The following PCDHGB3 variants were observed in gnomAD, a reference collection of about 807,000 sequenced individuals.
PCDHGB3 encodes protocadherin gamma-B3.
PCDHGB3 carries 40 observed loss-of-function variants against 59.2 expected under a neutral mutation model. That is an observed-to-expected ratio of 0.68 (90% confidence interval 0.52 to 0.88). The LOEUF (loss-of-function observed/expected upper bound fraction) is 0.88. Ranked by LOEUF, PCDHGB3 falls within the 40% of genes least tolerant of loss-of-function variation. The probability of loss-of-function intolerance (pLI) is 0.00; values close to 1 mark genes in which losing one functional copy is unlikely to be tolerated. For synonymous variants in PCDHGB3, 581 were observed against 503.6 expected (o/e 1.15, Z -2.06); for missense variants, 1,309 against 1,187.9 (o/e 1.10, Z -1.50).
At chr5:141,504,134 A>G (rs73280371) in intron 2 of PCDHGB3, among the ~76,000 whole-genome samples, 139 of 152,168 alleles carry the variant, frequency 9.1e-4, no homozygotes, top group African/African-American at 3.1e-3. Flanking sequence ...TCCCGCCAAC[A>G]CTCCCCTGCA....
chr5:141,465,583 A>G (rs1056902823), intron 1 of PCDHGB3, among the ~76,000 whole-genome samples: 10 of 152,162 alleles, frequency 6.6e-5, no homozygotes, highest in African/African-American at 2.4e-4. Flanking sequence ...ACACTCTCAT[A>G]ATAATCAGAT....
chr5:141,393,508 T>A (rs540869636), intron 1 of PCDHGB3: 2 of 1,614,010 alleles, frequency 1.2e-6, no homozygotes, highest in East Asian at 4.5e-5. Flanking sequence ...CACGTGACAG[T>A]GTTGGATACA....
chr5:141,477,582 A>T lies in PCDHGB3; in HGVS notation c.2416-17225A>T, dbSNP rs567486170. The T allele has an allele frequency of 6.2e-7, 1 of 1,614,190 alleles. No individual in the cohort carries two copies. The highest frequency in any genetic ancestry group is 2.2e-5 in the East Asian group (1 of 44,888). ...GTCTGGGACCCCGACGCCCCGCAGA[A>T]TGCTCGGCTTTCTTTCTTTCTCTTG... On this transcript the variant is annotated intron_variant, in intron 1 of 3. Transcript: ENST00000576222. The surrounding 1 kb of genome is among the most constrained non-coding windows in gnomAD (Gnocchi z 4.9).
chr5:141,377,447 A>T (rs1397371836), intron 1 of PCDHGB3: 1 of 152,082 alleles, frequency 6.6e-6, no homozygotes, highest in African/African-American at 2.4e-5. Context: ...AAGAAAAAAA[A>T]GTAGCCAGAT....
At chr5:141,415,859 T>C in intron 1 of PCDHGB3, 1 of 1,187,664 alleles carries the variant, frequency 8.4e-7, no homozygotes, top group Non-Finnish European at 1.1e-6. Context: ...CCTTGTAGTT[T>C]ATAGTGTTGT....
At chr5:141,404,642 T>C in intron 1 of PCDHGB3, 20 of 1,614,190 alleles carry the variant, frequency 1.2e-5, no homozygotes, top group Non-Finnish European at 1.7e-5. Flanking sequence ...AGAAATCCTG[T>C]ACCCTGCCCT....
At chr5:141,409,893 A>G in intron 1 of PCDHGB3, 2 of 1,613,138 alleles carry the variant, frequency 1.2e-6, no homozygotes, top group Middle Eastern at 3.3e-4. Flanking sequence ...CGGGTGCTGT[A>G]CCCAGCTCTG....
intron 1 of PCDHGB3, chr5:141,388,657 G>T (rs769160604): frequency 6.8e-6 from 11 of 1,613,878 alleles, no homozygotes; most frequent in Admixed American, 1.7e-5. Context: ...GTGTACCCGG[G>T]GACCACGGTG....
intron 1 of PCDHGB3, chr5:141,374,770 G>C (rs750704696): frequency 1.2e-6 from 2 of 1,613,694 alleles, no homozygotes; most frequent in Non-Finnish European, 1.7e-6. Flanking sequence ...CCCAAATTCT[G>C]GTAACAGTTC....
At chr5:141,478,118 G>C in intron 1 of PCDHGB3, 2 of 1,614,048 alleles carry the variant, frequency 1.2e-6, no homozygotes, top group African/African-American at 1.3e-5. Context: ...GTCAGTAACC[G>C]AGGACTCTCC....
chr5:141,382,810 C>T, intron 1 of PCDHGB3: 3 of 1,162,786 alleles, frequency 2.6e-6, no homozygotes, highest in Non-Finnish European at 3.7e-6. Context: ...TCTGAGCTCC[C>T]CTTCCTAAGA....
Position 141,493,022 on chromosome 5 carries a change from G to C in PCDHGB3, c.2416-1785G>C, listed in dbSNP as rs1184742888. On this transcript the variant is annotated intron_variant, in intron 1 of 3. Transcript: ENST00000576222. This position sits in a 1 kb window ranked among gnomAD's most constrained non-coding sequence, Gnocchi z 4.3. Reference sequence around the variant, plus strand: ...GCTATAGGCTCTGCCAGATGCCAGGGTGCCCTTATGTGTGAGGAAACTACA... The same window carrying C: ...GCTATAGGCTCTGCCAGATGCCAGGCTGCCCTTATGTGTGAGGAAACTACA... Among the ~76,000 whole-genome samples the C allele has an allele frequency of 6.6e-6, 1 of 152,222 alleles. No individual in the cohort carries two copies. Among genetic ancestry groups the C allele is most frequent in the Non-Finnish European group, 1.5e-5 (1 of 68,040 alleles).
chr5:141,389,747 G>A (rs766506538), intron 1 of PCDHGB3: 38 of 1,612,722 alleles, frequency 2.4e-5, no homozygotes, highest in Admixed American at 2.2e-4. Context: ...GGCTGCGCAC[G>A]GGCGAAGTGC....
At position 141,431,784 on chromosome 5, in the gene PCDHGB3, A is replaced by G; in HGVS notation, c.2415+58975A>G. On this transcript the variant is annotated intron_variant, in intron 1 of 3. Coordinates refer to ENST00000576222, the MANE Select transcript of PCDHGB3 (RefSeq NM_018924.5). The surrounding 1 kb of genome is among the most constrained non-coding windows in gnomAD (Gnocchi z 4.8). ...CTGATCACTGTTCTGGACGTGAACG[A>G]CAATGCCCCAGAAGTGGTCCTCACC... 1 of 1,614,220 alleles carries G rather than the reference A, an allele frequency of 6.2e-7. No individual in the cohort carries two copies. Among genetic ancestry groups the G allele is most frequent in the Non-Finnish European group, 8.5e-7 (1 of 1,180,022 alleles).
At position 141,384,937 on chromosome 5, in the gene PCDHGB3, C is replaced by T. The variant is rs373048330; in HGVS notation, c.2415+12128C>T. ...CTTGGCCGACCTGGGCAGCCTTGAG[C>T]CCTCCGACGGTCCTTACAACTATGA... On this transcript the variant is annotated intron_variant, in intron 1 of 3. Coordinates refer to ENST00000576222, the MANE Select transcript of PCDHGB3 (RefSeq NM_018924.5). 4.5e-5 allele frequency: 72 copies of T among 1,613,950 alleles called. No homozygotes were observed. The highest frequency in any genetic ancestry group is 2.3e-4 in the Admixed American group (14 of 60,012).
At chr5:141,374,443 A>C (rs886695991) in intron 1 of PCDHGB3, 1 of 1,613,842 alleles carries the variant, frequency 6.2e-7, no homozygotes. Context: ...ATCCCGTGGA[A>C]GTGGAAATAG....
In PCDHGB3 at chr5:141,487,765, GC is replaced by G. The variant is rs2099665397; in HGVS notation, c.2416-7041del. The G allele has an allele frequency of 6.5e-7, 1 of 1,541,774 alleles. No individual in the cohort carries two copies. Among genetic ancestry groups the G allele is most frequent in the South Asian group, 1.2e-5 (1 of 83,146 alleles). On this transcript the variant is annotated intron_variant, in intron 1 of 3. Transcript: ENST00000576222. This position sits in a 1 kb window ranked among gnomAD's most constrained non-coding sequence, Gnocchi z 5.0. ...GAGGTAACTATGTGGTAGACGCTGT[GC>G]TTTGTAACTGTTTCGTGAATTAACC...
intron 1 of PCDHGB3, chr5:141,376,715 T>C: frequency 1.6e-6 from 1 of 622,970 alleles, no homozygotes; most frequent in Non-Finnish European, 2.6e-6. Flanking sequence ...AGTCTCGCTC[T>C]GTCGCCCAGG....
At chr5:141,384,435 A>G in intron 1 of PCDHGB3, 1 of 1,614,008 alleles carries the variant, frequency 6.2e-7, no homozygotes, top group Non-Finnish European at 8.5e-7. Context: ...CTGACACTGG[A>G]GTCCTGTACG....
Sources: gnomAD v4.1 joint callset for allele counts (sites outside exome capture counted in the v4.1 genomes callset) on GRCh38, gnomAD v4.1.1 for gene constraint, Gnocchi (gnomAD v3.1) non-coding constraint, MANE v1.5 for transcripts, NCBI Gene and HGNC (gene_info 2026-07-23, HGNC 2026-07-21) for gene names.